ENPEP: variants seen among roughly 807,000 people sequenced by gnomAD.
ENPEP encodes the protein AP-A.
ENPEP carries 103 observed loss-of-function variants against 114.5 expected under a neutral mutation model. That is an observed-to-expected ratio of 0.90 (90% confidence interval 0.77 to 1.06). ENPEP has a LOEUF of 1.06. Ranked by LOEUF, ENPEP falls within the 50% of genes least tolerant of loss-of-function variation. The probability of loss-of-function intolerance (pLI) is 0.00; values close to 1 mark genes in which losing one functional copy is unlikely to be tolerated. For synonymous variants in ENPEP, 420 were observed against 422.0 expected (o/e 1.00, Z 0.06); for missense variants, 1,196 against 1,161.3 (o/e 1.03, Z -0.43).
At chr4:110,515,320 T>A in intron 7 of ENPEP, 57 bp from the exon 8 acceptor site, 1 of 1,402,868 alleles carries the variant, frequency 7.1e-7, no homozygotes, top group East Asian at 2.3e-5. Flanking sequence ...TAATAACTGA[T>A]CATTGTTCCT....
intron 8 of ENPEP, among the ~76,000 whole-genome samples, chr4:110,516,616 A>G (rs1235555198): frequency 1.3e-5 from 2 of 152,152 alleles, no homozygotes; most frequent in African/African-American, 4.8e-5. Flanking sequence ...GAAGGTCACC[A>G]TTCACATAGA....
intron 8 of ENPEP, among the ~76,000 whole-genome samples, chr4:110,516,643 C>G (rs1328553207): frequency 6.6e-6 from 1 of 152,130 alleles, no homozygotes; most frequent in Non-Finnish European, 1.5e-5. Flanking sequence ...TCCCATCAAG[C>G]CTTCTTATGT....
chr4:110,496,077 G>A (rs1241691914), intron 3 of ENPEP, among the ~76,000 whole-genome samples: 1 of 152,132 alleles, frequency 6.6e-6, no homozygotes, highest in Admixed American at 6.5e-5. Flanking sequence ...CAGGATGATC[G>A]CTGAATAATT....
At chr4:110,545,243 T>G (rs986401431) in intron 13 of ENPEP, among the ~76,000 whole-genome samples, 2 of 152,082 alleles carry the variant, frequency 1.3e-5, no homozygotes, top group African/African-American at 4.8e-5. Context: ...AAATGATACA[T>G]CTGAAAATAA....
intron 1 of ENPEP, among the ~76,000 whole-genome samples, chr4:110,486,844 T>G (rs1198743239): frequency 6.6e-6 from 1 of 152,218 alleles, no homozygotes; most frequent in Non-Finnish European, 1.5e-5. Flanking sequence ...GATCCGGCTG[T>G]GCAGGAGACT....
intron 3 of ENPEP, among the ~76,000 whole-genome samples, chr4:110,504,195 A>G (rs1263257509): frequency 6.6e-6 from 1 of 152,044 alleles, no homozygotes; most frequent in East Asian, 1.9e-4. Flanking sequence ...GCCACTACCA[A>G]TTGGTGCAAT....
intron 14 of ENPEP, 76 bp from the exon 15 acceptor site, chr4:110,549,270 C>A: frequency 8.7e-7 from 1 of 1,152,790 alleles, no homozygotes; most frequent in Non-Finnish European, 1.3e-6. Context: ...ATAACAGGGG[C>A]TGCTGAGTAT....
At chr4:110,542,938 T>A in intron 12 of ENPEP, 51 bp downstream of exon 12, 2 of 1,610,904 alleles carry the variant, frequency 1.2e-6, no homozygotes, top group Non-Finnish European at 1.7e-6. Context: ...AAGAACAGCA[T>A]CTTAATGATA....
At chr4:110,557,904 T>G (rs1024547202) in intron 18 of ENPEP, among the ~76,000 whole-genome samples, 1 of 152,196 alleles carries the variant, frequency 6.6e-6, no homozygotes, top group Non-Finnish European at 1.5e-5. Context: ...AAATTCATGC[T>G]GGCATATTTC....
intron 17 of ENPEP, among the ~76,000 whole-genome samples, chr4:110,550,779 A>G (rs777446795): frequency 2.7e-4 from 41 of 152,150 alleles, no homozygotes; most frequent in Admixed American, 4.6e-4. Flanking sequence ...TATCCTTGAG[A>G]TACTTACAGC....
intron 11 of ENPEP, among the ~76,000 whole-genome samples, chr4:110,531,932 G>A (rs1726419524): frequency 6.6e-6 from 1 of 152,080 alleles, no homozygotes; most frequent in Non-Finnish European, 1.5e-5. Flanking sequence ...CCCATTTCAT[G>A]AGGACTTGAT....
Position 110,516,057 on chromosome 4 carries a change from C to T in ENPEP, c.1509+615C>T, listed in dbSNP as rs187300507. ...GGGCTTATATGAATTTCAGGGAATACGATTCTTTCCATAGCAACATGATAT... is the reference window on the plus strand; with the variant it reads ...GGGCTTATATGAATTTCAGGGAATATGATTCTTTCCATAGCAACATGATAT... On this transcript the variant is annotated intron_variant, in intron 8 of 19. Coordinates refer to ENST00000265162, the MANE Select transcript of ENPEP (RefSeq NM_001977.4). Among the ~76,000 whole-genome samples, 540 of 152,250 alleles carry T rather than the reference C, an allele frequency of 3.5e-3. 2 individuals are homozygous for T. The highest frequency in any genetic ancestry group is 0.01 in the Middle Eastern group (3 of 294).
At chr4:110,515,889 A>G (rs2110359288) in intron 8 of ENPEP, 1 of 448,316 alleles carries the variant, frequency 2.2e-6, no homozygotes, top group Non-Finnish European at 4.5e-6. Context: ...CATAGCAGAG[A>G]GAGAGAGAGG....
At chr4:110,479,549 C>A (rs1724234910) in intron 1 of ENPEP, among the ~76,000 whole-genome samples, 1 of 152,070 alleles carries the variant, frequency 6.6e-6, no homozygotes, top group Non-Finnish European at 1.5e-5. Flanking sequence ...TGTCTCCAAA[C>A]TGACTTCCAA....
chr4:110,493,835 C>T (rs1311625615), intron 3 of ENPEP, among the ~76,000 whole-genome samples: 3 of 152,130 alleles, frequency 2.0e-5, no homozygotes, highest in Non-Finnish European at 4.4e-5. Context: ...TGAAATGTAA[C>T]ATCAGAGGAA....
In ENPEP at chr4:110,515,456, C is replaced by A. The variant is rs975552095; in HGVS notation, c.1509+14C>A. On this transcript the variant is annotated intron_variant, in intron 8 of 19. Coordinates refer to ENST00000265162, the MANE Select transcript of ENPEP (RefSeq NM_001977.4). ...AAAGGATGTCAGGTATGATTTATTA[C>A]TTTTAGTGATATCAAAATTAAACTA... is the stretch of plus-strand genomic sequence containing the variant. The A allele has an allele frequency of 4.4e-6, 7 of 1,575,352 alleles. No individual in the cohort carries two copies. Among genetic ancestry groups the A allele is most frequent in the Non-Finnish European group, 5.2e-6 (6 of 1,159,084 alleles).
rs1724096127 is a variant in ENPEP, at chr4:110,476,377, C to T, written c.-38C>T. ...GCTGACGTTAGTTAGTTAAATTTAACATCTTTTTATGTGTAACACTTGACT... is the reference window on the plus strand; with the variant it reads ...GCTGACGTTAGTTAGTTAAATTTAATATCTTTTTATGTGTAACACTTGACT... On this transcript the variant is annotated 5_prime_UTR_variant, in exon 1 of 20. Transcript: ENST00000265162. 1 of 1,495,786 alleles carries T rather than the reference C, an allele frequency of 6.7e-7. No individual in the cohort carries two copies. The highest frequency in any genetic ancestry group is 8.9e-7 in the Non-Finnish European group (1 of 1,120,772). 92.7% of individuals were successfully genotyped at this position (1,495,786 alleles called of 1,614,324 possible).
intron 18 of ENPEP, among the ~76,000 whole-genome samples, chr4:110,555,227 C>T (rs1727429697): frequency 6.6e-6 from 1 of 151,902 alleles, no homozygotes; most frequent in East Asian, 1.9e-4. Context: ...TGTAAAATTG[C>T]TAATAACCAC....
chr4:110,506,544 C>T, intron 3 of ENPEP, 93 bp from the exon 4 acceptor site: 1 of 1,349,948 alleles, frequency 7.4e-7, no homozygotes, highest in Non-Finnish European at 9.9e-7. Flanking sequence ...GCTCCAAAGC[C>T]CACTTTCTTT....
Sources: gnomAD v4.1 joint callset for allele counts (sites outside exome capture counted in the v4.1 genomes callset) on GRCh38, gnomAD v4.1.1 for gene constraint, MANE v1.5 for transcripts, NCBI Gene and HGNC (gene_info 2026-07-23, HGNC 2026-07-21) for gene names.